The following SIK3 variants were observed in gnomAD, a reference collection of about 807,000 sequenced individuals.
SIK3 encodes serine/threonine-protein kinase SIK3.
SIK3 carries 28 observed loss-of-function variants against 144.2 expected under a neutral mutation model. The observed-to-expected ratio is 0.19, with a 90% CI of 0.14 to 0.27. The LOEUF is 0.27. Ranked by LOEUF, SIK3 falls within the 10% of genes least tolerant of loss-of-function variation. The pLI, the probability that SIK3 is intolerant of heterozygous loss-of-function variation, is 1.00. For synonymous variants in SIK3, 686 were observed against 676.3 expected, an observed-to-expected ratio of 1.01 and a Z score of -0.22; for missense variants, 1,319 against 1,776.0, an observed-to-expected ratio of 0.74 and a Z score of 4.62.
At chr11:116,870,700 C>T (rs1395998873) in intron 13 of SIK3, among the ~76,000 whole-genome samples, 1 of 152,056 alleles carries the variant, frequency 6.6e-6, no homozygotes, top group Non-Finnish European at 1.5e-5. Context: ...TAGACCTTGC[C>T]CTCATTTTAC....
intron 1 of SIK3, among the ~76,000 whole-genome samples, chr11:116,966,384 C>A (rs1411503306): frequency 6.6e-6 from 1 of 151,726 alleles, no homozygotes; most frequent in East Asian, 1.9e-4. Flanking sequence ...GAGAGGGAGA[C>A]CCCATTTCAA....
At chr11:116,934,685 T>C (rs1947807850) in intron 3 of SIK3, among the ~76,000 whole-genome samples, 1 of 152,212 alleles carries the variant, frequency 6.6e-6, no homozygotes, top group African/African-American at 2.4e-5. Flanking sequence ...TTAATAATTA[T>C]AGATTAGGCC....
intron 4 of SIK3, among the ~76,000 whole-genome samples, chr11:116,914,807 C>A (rs1010020629): frequency 6.6e-6 from 1 of 152,128 alleles, no homozygotes. Context: ...GAAATCAGTA[C>A]AGTTACCTTT....
intron 1 of SIK3, among the ~76,000 whole-genome samples, chr11:117,021,012 T>A (rs564908224): frequency 6.6e-6 from 1 of 152,168 alleles, no homozygotes; most frequent in Non-Finnish European, 1.5e-5. Context: ...TCTGACGCTA[T>A]CTCCAGGTAG....
chr11:117,090,693 CT>C (rs1955205298), intron 1 of SIK3, among the ~76,000 whole-genome samples: 1 of 152,222 alleles, frequency 6.6e-6, no homozygotes, highest in Non-Finnish European at 1.5e-5. Context: ...GTGTTTACTT[CT>C]TTCCCTTTTC....
intron 4 of SIK3, among the ~76,000 whole-genome samples, chr11:116,908,340 A>G (rs1342416134): frequency 1.3e-5 from 2 of 152,170 alleles, no homozygotes; most frequent in East Asian, 3.9e-4. Context: ...TTAGCCAGGC[A>G]TGGTGGTGTA....
intron 4 of SIK3, among the ~76,000 whole-genome samples, chr11:116,912,697 A>G (rs1946412845): frequency 6.6e-6 from 1 of 152,178 alleles, no homozygotes; most frequent in South Asian, 2.1e-4. Context: ...TAAATGAACA[A>G]CCTCACCAAA....
intron 13 of SIK3, among the ~76,000 whole-genome samples, chr11:116,872,988 C>T (rs1396528394): frequency 6.6e-6 from 1 of 152,204 alleles, no homozygotes; most frequent in South Asian, 2.1e-4. Flanking sequence ...ATAACTGACT[C>T]GGCTAAAGCT....
In SIK3 at chr11:116,858,725, A is replaced by G. The variant is rs750874731; in HGVS notation, c.2766-26T>C. 1 of 1,520,958 alleles carries G rather than the reference A, an allele frequency of 6.6e-7. No homozygotes were observed. The highest frequency in any genetic ancestry group is 1.3e-5 in the South Asian group (1 of 76,136). The allele number at this position is 1,520,958 out of a possible 1,614,324, so 94.2% of individuals were successfully genotyped here. ...CTGCAGACACAAAAGGGAGTACCAG[A>G]CATCCATGTAACAAGTACTAGACTT... On this transcript the variant is annotated intron_variant, in intron 20 of 24. Transcript: ENST00000445177. The surrounding 1 kb of genome is among the most constrained non-coding windows in gnomAD (Gnocchi z 5.4).
intron 16 of SIK3, 85 bp downstream of exon 16, chr11:116,863,583 G>A: frequency 6.4e-7 from 1 of 1,574,162 alleles, no homozygotes; most frequent in Non-Finnish European, 8.7e-7. Flanking sequence ...ACATAAAAGG[G>A]GTACGTTTAC....
chr11:116,909,921 T>C lies in SIK3; in HGVS notation c.617-12604A>G, dbSNP rs1946250295. 1.3e-5 allele frequency among the ~76,000 whole-genome samples: 2 copies of C among 152,210 alleles called. 1 individual carries two copies. The highest frequency in any genetic ancestry group is 4.1e-4 in the South Asian group (2 of 4,832). On this transcript the variant is annotated intron_variant, in intron 4 of 24. Transcript: ENST00000445177. ...TTTTTGTTGAAAATAGCAATTTTCA[T>C]ATATGAAGAAAAACTGTAATCTAGG...
At chr11:117,094,785 A>G (rs1053757684) in intron 1 of SIK3, among the ~76,000 whole-genome samples, 9 of 152,018 alleles carry the variant, frequency 5.9e-5, no homozygotes, top group African/African-American at 2.2e-4. Flanking sequence ...AAAAAAAAAA[A>G]CAGAGCCAGA....
intron 1 of SIK3, among the ~76,000 whole-genome samples, chr11:117,093,508 A>G (rs1462769020): frequency 6.6e-6 from 1 of 152,192 alleles, no homozygotes; most frequent in East Asian, 1.9e-4. Flanking sequence ...TATTTCACTT[A>G]AACCTAATTT....
intron 1 of SIK3, among the ~76,000 whole-genome samples, chr11:116,974,715 G>T (rs1402286546): frequency 6.6e-6 from 1 of 152,160 alleles, no homozygotes; most frequent in Non-Finnish European, 1.5e-5. Flanking sequence ...TTTTAAAAAT[G>T]TATTATTGAA....
chr11:116,967,018 A>G (rs1949579440), intron 1 of SIK3, among the ~76,000 whole-genome samples: 2 of 130,440 alleles, frequency 1.5e-5, no homozygotes, highest in Non-Finnish European at 3.3e-5. Context: ...AAAAAAAGAA[A>G]AAGAAAAAGA....
intron 3 of SIK3, among the ~76,000 whole-genome samples, chr11:116,951,516 C>G (rs769885363): frequency 2.0e-5 from 3 of 152,036 alleles, no homozygotes; most frequent in Non-Finnish European, 4.4e-5. Context: ...ACAAAAGCCA[C>G]AATTACTTTT....
Position 116,846,268 on chromosome 11 carries a change from C to T in SIK3, c.*13+115G>A, listed in dbSNP as rs1941940734. 1.6e-5 allele frequency: 17 copies of T among 1,038,668 alleles called. No individual in the cohort carries two copies. The highest frequency in any genetic ancestry group is 3.2e-4 in the Middle Eastern group (1 of 3,082). The allele number at this position is 1,038,668 out of a possible 1,614,324, so 64.3% of individuals were successfully genotyped here. ...AAACTGTGAAGGCCACGAGGGGAGG[C>T]GTGGTACTGTCGACTGCACTGGCCA... On this transcript the variant is annotated intron_variant, in intron 24 of 24. Transcript: ENST00000445177. This position sits in a 1 kb window ranked among gnomAD's most constrained non-coding sequence, Gnocchi z 4.1.
intron 6 of SIK3, among the ~76,000 whole-genome samples, chr11:116,888,939 G>A (rs17174502): frequency 0.14 from 20,918 of 152,114 alleles, 2,203 homozygotes; most frequent in East Asian, 0.52. Flanking sequence ...ATCTGAAGCC[G>A]GCTCCGGGAA....
In SIK3 at chr11:116,858,778, G is replaced by A; in HGVS notation, c.2766-79C>T. 1 of 1,505,926 alleles carries A rather than the reference G, an allele frequency of 6.6e-7. No individual in the cohort carries two copies. Among genetic ancestry groups the A allele is most frequent in the African/African-American group, 1.4e-5 (1 of 71,634 alleles). 93.3% of individuals were successfully genotyped at this position (1,505,926 alleles called of 1,614,324 possible). A position where few individuals can be genotyped will look rare whatever the true frequency, so the allele number is the denominator to read the frequency against. On this transcript the variant is annotated intron_variant, in intron 20 of 24. Coordinates refer to ENST00000445177, the MANE Select transcript of SIK3 (RefSeq NM_001366686.3). The surrounding 1 kb of genome is among the most constrained non-coding windows in gnomAD (Gnocchi z 5.4). ...TGGGAACAGCTCCTCCTCCTCAGTA[G>A]GGAGAACCCACTGGTACAGAGAACT...
Sources: allele counts gnomAD v4.1 joint callset (sites outside exome capture counted in the v4.1 genomes callset), GRCh38; gene constraint gnomAD v4.1.1; non-coding constraint Gnocchi (gnomAD v3.1); transcripts MANE v1.5; gene names NCBI Gene and HGNC (gene_info 2026-07-23, HGNC 2026-07-21).